The following CRPPA variants were observed in gnomAD, a reference collection of about 807,000 sequenced individuals.
CRPPA encodes the protein D-ribitol-5-phosphate cytidylyltransferase.
CRPPA carries 43 observed loss-of-function variants against 52.0 expected under a neutral mutation model. The ratio of observed to expected loss-of-function variants is 0.83; its 90% confidence interval spans 0.65 to 1.07. The LOEUF (loss-of-function observed/expected upper bound fraction) is 1.07, where lower values mean the gene tolerates loss of function less well. CRPPA is among the 50% of genes least tolerant of loss of function. CRPPA has a pLI of 0.00. For synonymous variants in CRPPA, 250 were observed against 203.5 expected, an observed-to-expected ratio of 1.23 and a Z score of -1.94; for missense variants, 629 against 551.7, an observed-to-expected ratio of 1.14 and a Z score of -1.40.
intron 9 of CRPPA, among the ~76,000 whole-genome samples, chr7:16,155,422 AG>A (rs1272495603): frequency 2.0e-5 from 3 of 152,126 alleles, no homozygotes; most frequent in Non-Finnish European, 1.5e-5. Flanking sequence ...CACTTACCCA[AG>A]GATGTTTTTT....
chr7:16,323,661 C>T (rs1785313385), intron 3 of CRPPA, among the ~76,000 whole-genome samples: 1 of 152,182 alleles, frequency 6.6e-6, no homozygotes, highest in Non-Finnish European at 1.5e-5. Flanking sequence ...TATTTTATTA[C>T]ATACCTTTTG....
At chr7:16,395,340 C>A (rs116557647) in intron 2 of CRPPA, among the ~76,000 whole-genome samples, 1 of 152,254 alleles carries the variant, frequency 6.6e-6, no homozygotes, top group Admixed American at 6.5e-5. Context: ...ATACAGCAGG[C>A]ACTAACATGC....
At chr7:16,332,460 A>G (rs1419756419) in intron 3 of CRPPA, among the ~76,000 whole-genome samples, 1 of 152,198 alleles carries the variant, frequency 6.6e-6, no homozygotes, top group Non-Finnish European at 1.5e-5. Context: ...ATGTGTACAT[A>G]TACATGCTTA....
At chr7:16,280,401 T>C (rs182001004) in intron 5 of CRPPA, among the ~76,000 whole-genome samples, 1 of 152,340 alleles carries the variant, frequency 6.6e-6, no homozygotes, top group East Asian at 1.9e-4. Context: ...CTTTGTAATA[T>C]CTTAGGCTAA....
At chr7:16,270,165 T>A in intron 6 of CRPPA, 1 of 152,274 alleles carries the variant, frequency 6.6e-6, no homozygotes, top group Non-Finnish European at 1.5e-5. Context: ...TGGTGGTGGC[T>A]GGTTTCTGTT....
intron 9 of CRPPA, among the ~76,000 whole-genome samples, chr7:16,108,683 C>A (rs1195082795): frequency 6.6e-6 from 1 of 151,708 alleles, no homozygotes; most frequent in African/African-American, 2.4e-5. Flanking sequence ...GAAATATTCT[C>A]CGGGATAGAT....
intron 3 of CRPPA, among the ~76,000 whole-genome samples, chr7:16,318,792 A>C (rs1237987405): frequency 6.6e-6 from 1 of 152,188 alleles, no homozygotes; most frequent in Non-Finnish European, 1.5e-5. Context: ...TTCCAAAGCA[A>C]GTCAGGCAAG....
At chr7:16,399,323 C>G (rs568937957) in intron 2 of CRPPA, among the ~76,000 whole-genome samples, 4 of 152,144 alleles carry the variant, frequency 2.6e-5, no homozygotes, top group Admixed American at 6.5e-5. Context: ...GTGACCAACA[C>G]GTGACCAGAG....
At chr7:16,362,727 ATTAAGT>A (rs1268792092) in intron 3 of CRPPA, among the ~76,000 whole-genome samples, 5 of 152,216 alleles carry the variant, frequency 3.3e-5, no homozygotes, top group African/African-American at 7.2e-5. Context: ...TTCTGATTGT[ATTAAGT>A]TTAAGAAATT....
At chr7:16,226,663 A>T (rs1782659098) in intron 8 of CRPPA, among the ~76,000 whole-genome samples, 1 of 151,958 alleles carries the variant, frequency 6.6e-6, no homozygotes, top group South Asian at 2.1e-4. Flanking sequence ...TACCACATAT[A>T]AAAGAAATAC....
chr7:16,209,757 A>C (rs370199273), intron 9 of CRPPA, among the ~76,000 whole-genome samples: 1 of 152,242 alleles, frequency 6.6e-6, no homozygotes, highest in Admixed American at 6.5e-5. Context: ...CACGCTACTA[A>C]ACAAAATATT....
At chr7:16,301,306 T>G in intron 5 of CRPPA, 115 bp downstream of exon 5, 1 of 760,952 alleles carries the variant, frequency 1.3e-6, no homozygotes, top group South Asian at 1.7e-5. Flanking sequence ...TCAGAGACCT[T>G]GGCCTACAGG....
At chr7:16,175,704 A>G (rs527824925) in intron 9 of CRPPA, among the ~76,000 whole-genome samples, 3 of 152,206 alleles carry the variant, frequency 2.0e-5, no homozygotes, top group Non-Finnish European at 4.4e-5. Flanking sequence ...TAATGAGAAA[A>G]CAATGTCTTA....
chr7:16,324,882 A>T (rs113526054), intron 3 of CRPPA, among the ~76,000 whole-genome samples: 1 of 152,320 alleles, frequency 6.6e-6, no homozygotes, highest in Non-Finnish European at 1.5e-5. Context: ...ACAGTTGACT[A>T]TACTACAGAT....
intron 3 of CRPPA, among the ~76,000 whole-genome samples, chr7:16,312,660 G>T (rs758488568): frequency 6.6e-6 from 1 of 151,932 alleles, no homozygotes; most frequent in Non-Finnish European, 1.5e-5. Context: ...TCCTTGCCTT[G>T]TTCTTGACCT....
intron 9 of CRPPA, among the ~76,000 whole-genome samples, chr7:16,189,838 T>C (rs1781572632): frequency 6.6e-6 from 1 of 152,164 alleles, no homozygotes; most frequent in African/African-American, 2.4e-5. Flanking sequence ...GGTGAAAATA[T>C]CCAAGGTAAA....
intron 8 of CRPPA, among the ~76,000 whole-genome samples, chr7:16,252,507 C>T (rs372082821): frequency 5.9e-5 from 9 of 152,216 alleles, no homozygotes; most frequent in African/African-American, 2.2e-4. Flanking sequence ...CTCAGTTTGC[C>T]AGTATTTTAT....
intron 2 of CRPPA, among the ~76,000 whole-genome samples, chr7:16,403,143 A>G (rs553884403): frequency 2.8e-4 from 41 of 147,886 alleles, no homozygotes; most frequent in African/African-American, 1.0e-3. Context: ...GAGGGGGGGA[A>G]AAAAACAGTT....
chr7:16,166,492 C>G (rs1474110497), intron 9 of CRPPA, among the ~76,000 whole-genome samples: 1 of 152,082 alleles, frequency 6.6e-6, no homozygotes, highest in Non-Finnish European at 1.5e-5. Context: ...GTTGGCCAGG[C>G]TAGTCTCGAA....
Sources: gnomAD v4.1 joint callset for allele counts (sites outside exome capture counted in the v4.1 genomes callset) on GRCh38, gnomAD v4.1.1 for gene constraint, MANE v1.5 for transcripts, NCBI Gene and HGNC (gene_info 2026-07-23, HGNC 2026-07-21) for gene names.